MYO5C: variants seen among roughly 807,000 people sequenced by gnomAD.
The protein encoded by MYO5C is unconventional myosin-Vc.
In MYO5C, 194 loss-of-function variants were observed where a neutral mutation model predicts 235.7. The ratio of observed to expected loss-of-function variants is 0.82; its 90% CI spans 0.73 to 0.93. The LOEUF (loss-of-function observed/expected upper bound fraction) is 0.93, where lower values mean the gene tolerates loss of function less well. Among genes scored for constraint, MYO5C ranks in the 40% least tolerant of loss-of-function variants. MYO5C has a pLI of 0.00. For missense variants in MYO5C, 2,038 were observed against 2,127.2 expected (o/e 0.96, Z 0.82); for synonymous variants, 707 against 754.8 (o/e 0.94, Z 1.04).
chr15:52,240,650 T>C (rs2036198601), intron 20 of MYO5C, among the ~76,000 whole-genome samples: 1 of 151,936 alleles, frequency 6.6e-6, no homozygotes, highest in African/African-American at 2.4e-5. Context: ...GAGGATTGCT[T>C]GAACCTGGGA....
chr15:52,236,238 C>T (rs1352861810), intron 22 of MYO5C, among the ~76,000 whole-genome samples: 1 of 152,218 alleles, frequency 6.6e-6, no homozygotes, highest in Admixed American at 6.5e-5. Context: ...TGGCAGCAGG[C>T]CCCGTGGTGC....
At chr15:52,239,617 A>G in intron 21 of MYO5C, 116 bp downstream of exon 21, 2 of 1,126,290 alleles carry the variant, frequency 1.8e-6, no homozygotes, top group Non-Finnish European at 2.5e-6. Context: ...TGGTCCACGT[A>G]AACTGAACCT....
intron 29 of MYO5C, 43 bp downstream of exon 29, chr15:52,223,501 C>G (rs1280666298): frequency 9.5e-6 from 15 of 1,578,110 alleles, no homozygotes; most frequent in Non-Finnish European, 1.1e-5. Flanking sequence ...AAGAACAACT[C>G]TAGTATGATG....
chr15:52,226,683 G>A (rs1022784422), intron 25 of MYO5C, among the ~76,000 whole-genome samples: 26 of 152,306 alleles, frequency 1.7e-4, no homozygotes, highest in Non-Finnish European at 1.0e-4. Context: ...TGACTGGCAC[G>A]TTCAGGGTCA....
At chr15:52,210,485 C>T (rs978024064) in intron 35 of MYO5C, among the ~76,000 whole-genome samples, 18 of 152,188 alleles carry the variant, frequency 1.2e-4, no homozygotes, top group African/African-American at 3.6e-4. Context: ...TTCCCAGAAA[C>T]GGGTACTTTT....
chr15:52,226,866 G>T (rs187571565), intron 25 of MYO5C, among the ~76,000 whole-genome samples: 7 of 152,266 alleles, frequency 4.6e-5, no homozygotes, highest in African/African-American at 1.4e-4. Context: ...AACCAGAGTA[G>T]GCTGGGCACG....
intron 14 of MYO5C, among the ~76,000 whole-genome samples, chr15:52,248,033 G>A (rs1381707732): frequency 2.6e-5 from 4 of 152,080 alleles, no homozygotes; most frequent in East Asian, 1.9e-4. Context: ...TCTCTGAACC[G>A]TCTTCATCTT....
chr15:52,241,751 T>TGTGAGA (rs377285178), intron 20 of MYO5C, among the ~76,000 whole-genome samples: 4 of 150,150 alleles, frequency 2.7e-5, no homozygotes, highest in Non-Finnish European at 5.9e-5. Flanking sequence ...TGTGTGTGTG[T>TGTGAGA]GAGAGAGAGA....
At position 52,223,589 on chromosome 15, in the gene MYO5C, A is replaced by T; in HGVS notation, c.3582T>A (p.Asn1194Lys). 4 of 1,614,098 alleles carry T rather than the reference A, an allele frequency of 2.5e-6. No individual in the cohort carries two copies. In the South Asian group the frequency reaches 4.4e-5, roughly 18 times the overall value. The change falls in exon 29 of 41, where the codon AAT becomes AAA. Residue 1194 changes from asparagine (N) to lysine (K), a missense_variant. Transcript: ENST00000261839. ...QKLFREENDI[N>K]ESIRHEVTRL... is the part of the protein sequence containing the mutation. Reference sequence around the variant, plus strand: ...TGGTAACTTCATGACGGATGCTTTCATTGATGTCATTTTCTTCTCTGAATA... The same window carrying T: ...TGGTAACTTCATGACGGATGCTTTCTTTGATGTCATTTTCTTCTCTGAATA...
At chr15:52,247,114 G>C in intron 15 of MYO5C, 100 bp from the exon 16 acceptor site, 1 of 1,037,822 alleles carries the variant, frequency 9.6e-7, no homozygotes. Flanking sequence ...TCAATAGGAA[G>C]AAAAGTTAAC....
At chr15:52,218,478 C>CA (rs2035603448) in intron 32 of MYO5C, 41 bp downstream of exon 32, 1 of 1,599,134 alleles carries the variant, frequency 6.3e-7, no homozygotes. Context: ...GCAACATCTG[C>CA]ACACAGACAG....
intron 7 of MYO5C, among the ~76,000 whole-genome samples, chr15:52,270,867 TAG>T (rs1009438395): frequency 3.3e-5 from 5 of 152,074 alleles, no homozygotes; most frequent in Non-Finnish European, 7.4e-5. Context: ...TCTCCAAAAT[TAG>T]AGAGTGTGAG....
At chr15:52,295,067 C>T (rs1444830563) in intron 1 of MYO5C, among the ~76,000 whole-genome samples, 1 of 152,236 alleles carries the variant, frequency 6.6e-6, no homozygotes, top group Non-Finnish European at 1.5e-5. Flanking sequence ...TTTGAAGACA[C>T]AGAATTCTAG....
Position 52,205,955 on chromosome 15 carries a change from C to T in MYO5C, c.4398G>A (p.Lys1466=), listed in dbSNP as rs1010959794. ...KQYSGEEEFM[K]HNSPQQNKNC... ...TCTTATTCTGCTGTGGACTATTATG[C>T]TTCATGAATTCCTAAAAGTAATTTT... Residue 1466 remains lysine, a synonymous_variant, in exon 37 of 41, where the codon AAG becomes AAA. Coordinates refer to ENST00000261839, the MANE Select transcript of MYO5C (RefSeq NM_018728.4). 2.6e-6 allele frequency: 4 copies of T among 1,546,778 alleles called. No individual in the cohort carries two copies. Among genetic ancestry groups the T allele is most frequent in the Non-Finnish European group, 3.5e-6 (4 of 1,148,666 alleles).
At chr15:52,240,843 A>G (rs775420126) in intron 20 of MYO5C, among the ~76,000 whole-genome samples, 4 of 152,190 alleles carry the variant, frequency 2.6e-5, no homozygotes, top group Non-Finnish European at 4.4e-5. Flanking sequence ...TCTTTGGACA[A>G]CTTTACTTTT....
At chr15:52,211,954 G>A in intron 34 of MYO5C, 70 bp from the exon 35 acceptor site, 2 of 1,512,016 alleles carry the variant, frequency 1.3e-6, no homozygotes, top group Non-Finnish European at 1.8e-6. Flanking sequence ...CTTGTGACTA[G>A]GGGCAGGGGC....
chr15:52,198,889 TTTTTTG>T (rs1485062660), intron 38 of MYO5C, among the ~76,000 whole-genome samples: 4 of 145,018 alleles, frequency 2.8e-5, no homozygotes, highest in East Asian at 2.1e-4. Context: ...CTACTTTTAG[TTTTTTG>T]TTTTTGTTTT....
At chr15:52,250,452 C>A (rs1453395268) in intron 13 of MYO5C, among the ~76,000 whole-genome samples, 2 of 152,052 alleles carry the variant, frequency 1.3e-5, no homozygotes, top group Non-Finnish European at 2.9e-5. Context: ...CCATGTTGGC[C>A]AGGCTGGTCT....
At chr15:52,228,749 T>G (rs1355192462) in intron 25 of MYO5C, among the ~76,000 whole-genome samples, 1 of 152,246 alleles carries the variant, frequency 6.6e-6, no homozygotes, top group East Asian at 1.9e-4. Context: ...AATTTTCTAA[T>G]AACAGTTTAA....
Sources: gnomAD v4.1 joint callset for allele counts (sites outside exome capture counted in the v4.1 genomes callset) on GRCh38, gnomAD v4.1.1 for gene constraint, MANE v1.5 for transcripts, NCBI Gene and HGNC (gene_info 2026-07-23, HGNC 2026-07-21) for gene names.